Variants in FGF12 observed in about 807,000 individuals in gnomAD.
FGF12 encodes fibroblast growth factor 12.
Under a neutral mutation model 23.6 loss-of-function variants are expected in FGF12, and 14 were observed. The ratio of observed to expected loss-of-function variants is 0.59; its 90% CI spans 0.39 to 0.93. The LOEUF (loss-of-function observed/expected upper bound fraction) is 0.93. FGF12 is among the 40% of genes least tolerant of loss of function. The pLI is 0.00. For missense variants in FGF12, 175 were observed against 217.8 expected (o/e 0.80, Z 1.24); for synonymous variants, 62 against 77.3 (o/e 0.80, Z 1.04).
At chr3:192,303,415 G>T (rs1715452565) in intron 4 of FGF12, among the ~76,000 whole-genome samples, 1 of 152,088 alleles carries the variant, frequency 6.6e-6, no homozygotes. Context: ...CTGAGAGATA[G>T]CAACTCCTCC....
intron 4 of FGF12, among the ~76,000 whole-genome samples, chr3:192,202,742 G>T (rs1349116306): frequency 6.6e-6 from 1 of 152,176 alleles, no homozygotes; most frequent in African/African-American, 2.4e-5. Context: ...CCAGAAAGTT[G>T]AGGATACCAG....
At chr3:192,332,655 C>A (rs532227706) in intron 4 of FGF12, among the ~76,000 whole-genome samples, 10 of 152,138 alleles carry the variant, frequency 6.6e-5, no homozygotes, top group African/African-American at 2.4e-4. Context: ...CCTATTAATT[C>A]CTAGCTTAAA....
intron 4 of FGF12, among the ~76,000 whole-genome samples, chr3:192,247,270 A>C (rs1560033132): frequency 1.3e-5 from 2 of 152,190 alleles, no homozygotes; most frequent in Admixed American, 6.5e-5. Flanking sequence ...AGATGCACTC[A>C]TCTGCCATCC....
intron 2 of FGF12, among the ~76,000 whole-genome samples, chr3:192,517,313 C>T (rs1049258003): frequency 6.6e-6 from 1 of 152,170 alleles, no homozygotes; most frequent in Non-Finnish European, 1.5e-5. Flanking sequence ...GTGTTATTAC[C>T]AACTTCCCTG....
intron 2 of FGF12, among the ~76,000 whole-genome samples, chr3:192,638,374 T>C (rs1337927306): frequency 1.3e-5 from 2 of 152,234 alleles, no homozygotes; most frequent in Non-Finnish European, 2.9e-5. Context: ...ATTCTTTTTA[T>C]AGCAATGATG....
intron 2 of FGF12, among the ~76,000 whole-genome samples, chr3:192,529,429 G>A (rs1725033366): frequency 6.6e-6 from 1 of 152,222 alleles, no homozygotes; most frequent in East Asian, 1.9e-4. Flanking sequence ...CATTTGACAA[G>A]TCTCTAGGGA....
intron 2 of FGF12, among the ~76,000 whole-genome samples, chr3:192,414,290 C>T (rs1183580801): frequency 6.6e-6 from 1 of 152,146 alleles, no homozygotes; most frequent in African/African-American, 2.4e-5. Context: ...TAAGTTCTGT[C>T]ATATCGCCAT....
chr3:192,147,413 G>T (rs1042714800), intron 5 of FGF12, among the ~76,000 whole-genome samples: 2 of 152,126 alleles, frequency 1.3e-5, no homozygotes, highest in African/African-American at 4.8e-5. Context: ...ATCCATAGTT[G>T]CATTAACGCT....
At chr3:192,608,598 CAG>C (rs756225329) in intron 2 of FGF12, among the ~76,000 whole-genome samples, 47 of 152,186 alleles carry the variant, frequency 3.1e-4, no homozygotes, top group Admixed American at 4.6e-4. Context: ...GTCAGATAAA[CAG>C]TGTGTATTAG....
At chr3:192,530,387 AGGTCC>A (rs1725057430) in intron 2 of FGF12, among the ~76,000 whole-genome samples, 1 of 152,178 alleles carries the variant, frequency 6.6e-6, no homozygotes, top group Non-Finnish European at 1.5e-5. Context: ...GCCAGATCGT[AGGTCC>A]TTAAAAATTG....
At chr3:192,604,977 G>A (rs952539419) in intron 2 of FGF12, among the ~76,000 whole-genome samples, 10 of 152,076 alleles carry the variant, frequency 6.6e-5, no homozygotes, top group Admixed American at 6.6e-5. Flanking sequence ...TTAATACATG[G>A]TGCTAGGATA....
chr3:192,222,958 G>A (rs568626720), intron 4 of FGF12, among the ~76,000 whole-genome samples: 4 of 152,164 alleles, frequency 2.6e-5, no homozygotes, highest in Non-Finnish European at 4.4e-5. Flanking sequence ...ACTCCCCCAC[G>A]TTTCATGTCC....
intron 4 of FGF12, among the ~76,000 whole-genome samples, chr3:192,208,271 C>T (rs12330588): frequency 0.054 from 8,216 of 152,250 alleles, 311 homozygotes; most frequent in African/African-American, 0.11. Flanking sequence ...ATGTCTGTTA[C>T]GATATTCCAT....
At chr3:192,593,269 T>C (rs1188390922) in intron 2 of FGF12, among the ~76,000 whole-genome samples, 1 of 151,794 alleles carries the variant, frequency 6.6e-6, no homozygotes, top group East Asian at 1.9e-4. Flanking sequence ...ACTCCAGATA[T>C]CTTTTTCCTG....
intron 4 of FGF12, among the ~76,000 whole-genome samples, chr3:192,261,260 G>A (rs887280123): frequency 2.0e-5 from 3 of 152,068 alleles, no homozygotes; most frequent in South Asian, 2.1e-4. Context: ...AACTTCAAAC[G>A]TTGGCCATGG....
Position 192,200,161 on chromosome 3 carries a change from CAA to C in FGF12, c.229-29507_229-29506del, listed in dbSNP as rs11327020. On this transcript the variant is annotated intron_variant, in intron 4 of 5. Transcript: ENST00000445105. The stretch of plus-strand genomic sequence containing the variant: ...GTGAAATCCCATCTCTAATAAAATA[CAA>C]AAAAAAAAAAAAATAATTAGCCGGG... Among the ~76,000 whole-genome samples the C allele has an allele frequency of 3.3e-3, 418 of 127,760 alleles. 2 individuals carry two copies. Among genetic ancestry groups the C allele is most frequent in the African/African-American group, 0.011 (390 of 35,804 alleles). 83.8% of individuals were successfully genotyped at this position (127,760 alleles called of 152,430 possible).
chr3:192,326,377 T>A lies in FGF12; in HGVS notation c.228+8984A>T, dbSNP rs141468259. On this transcript the variant is annotated intron_variant, in intron 4 of 5. Coordinates refer to ENST00000445105, the MANE Select transcript of FGF12 (RefSeq NM_004113.6). ...AATTAGAGGAGGGAATAACAACCAC[T>A]TTCTCCCATCATCTACCTTGTGGAC... 2.0e-3 allele frequency among the ~76,000 whole-genome samples: 307 copies of A among 152,246 alleles called. 2 individuals carry two copies. The highest frequency in any genetic ancestry group is 6.9e-3 in the African/African-American group (285 of 41,572).
chr3:192,684,678 T>A (rs1434531062), intron 2 of FGF12, among the ~76,000 whole-genome samples: 1 of 152,226 alleles, frequency 6.6e-6, no homozygotes, highest in Non-Finnish European at 1.5e-5. Flanking sequence ...AAAAGCGTAT[T>A]TTGATGATCA....
At position 192,167,751 on chromosome 3, in the gene FGF12, ATATATATATATATATATAAAATTTTTT is replaced by A. The variant is rs1200568031; in HGVS notation, c.427+2680_427+2706del. Reference sequence around the variant, plus strand: ...TATAGGTATATATATATATATATATATATATATATATATATATAAAATTTTTTTTTTTTTTTTTTTTTGAGAAAGAAT... The same window carrying A: ...TATAGGTATATATATATATATATATATTTTTTTTTTTTTTTGAGAAAGAAT... On this transcript the variant is annotated intron_variant, in intron 5 of 5. Transcript: ENST00000445105. 3.0e-4 allele frequency among the ~76,000 whole-genome samples: 8 copies of A among 26,728 alleles called. 1 individual carries two copies. The highest frequency in any genetic ancestry group is 1.6e-3 in the East Asian group (2 of 1,284). 17.5% of individuals were successfully genotyped at this position (26,728 alleles called of 152,430 possible).
Sources: allele counts gnomAD v4.1 joint callset (sites outside exome capture counted in the v4.1 genomes callset), GRCh38; gene constraint gnomAD v4.1.1; transcripts MANE v1.5; gene names NCBI Gene and HGNC (gene_info 2026-07-23, HGNC 2026-07-21).